Variants in TBC1D22A observed in about 807,000 individuals in gnomAD.
TBC1D22A encodes the protein putative GTPase activator.
In TBC1D22A, 38 loss-of-function variants were observed where a neutral mutation model predicts 60.2. The ratio of observed to expected loss-of-function variants is 0.63; its 90% CI spans 0.49 to 0.83. The LOEUF is 0.83. Among genes scored for constraint, TBC1D22A ranks in the 40% least tolerant of loss-of-function variants. The probability of loss-of-function intolerance (pLI) is 0.00; values close to 1 mark genes in which losing one functional copy is unlikely to be tolerated. For missense variants in TBC1D22A, 628 were observed against 701.0 expected (o/e 0.90, Z 1.18); for synonymous variants, 302 against 281.7 (o/e 1.07, Z -0.72).
intron 10 of TBC1D22A, among the ~76,000 whole-genome samples, chr22:47,005,967 TACAC>T (rs2061578534): frequency 6.6e-6 from 1 of 151,362 alleles, no homozygotes; most frequent in Non-Finnish European, 1.5e-5. Context: ...CACATGCCTA[TACAC>T]ACACCTACAC....
At chr22:47,114,416 A>G (rs1389854952) in intron 12 of TBC1D22A, among the ~76,000 whole-genome samples, 1 of 152,036 alleles carries the variant, frequency 6.6e-6, no homozygotes, top group Admixed American at 6.6e-5. Flanking sequence ...CTTTGATGCC[A>G]TAGGGGTTGG....
At chr22:46,912,326 C>G (rs9615420) in intron 8 of TBC1D22A, 138 bp downstream of exon 8, 2 of 587,876 alleles carry the variant, frequency 3.4e-6, no homozygotes, top group African/African-American at 3.8e-5. Context: ...TAATAGTTTT[C>G]TCATCAACAA....
intron 8 of TBC1D22A, among the ~76,000 whole-genome samples, chr22:46,945,316 CAG>C (rs1368225896): frequency 2.0e-5 from 3 of 152,208 alleles, no homozygotes; most frequent in African/African-American, 7.2e-5. Flanking sequence ...GCTGTAGAAA[CAG>C]AGGTGATGAA....
intron 1 of TBC1D22A, among the ~76,000 whole-genome samples, chr22:46,779,495 G>C (rs1413121263): frequency 6.6e-6 from 1 of 152,114 alleles, no homozygotes; most frequent in African/African-American, 2.4e-5. Flanking sequence ...CTGACCTCAG[G>C]TGATCTGCCC....
intron 11 of TBC1D22A, among the ~76,000 whole-genome samples, chr22:47,047,150 G>T (rs140568858): frequency 9.8e-5 from 15 of 152,288 alleles, no homozygotes; most frequent in African/African-American, 3.4e-4. Context: ...CGAGGGTGTG[G>T]CGGAGGAGGG....
intron 12 of TBC1D22A, among the ~76,000 whole-genome samples, chr22:47,157,267 G>A (rs142964879): frequency 5.6e-4 from 85 of 152,324 alleles, no homozygotes; most frequent in African/African-American, 1.9e-3. Flanking sequence ...AAACCACTCC[G>A]GGCATGTGAA....
intron 10 of TBC1D22A, among the ~76,000 whole-genome samples, chr22:47,031,001 T>G (rs2062454598): frequency 6.6e-6 from 1 of 152,160 alleles, no homozygotes; most frequent in Non-Finnish European, 1.5e-5. Context: ...CACTTCCGTG[T>G]GAAGAAGGAC....
chr22:46,999,104 G>GTT (rs1341356752), intron 10 of TBC1D22A, among the ~76,000 whole-genome samples: 5 of 152,248 alleles, frequency 3.3e-5, no homozygotes, highest in Non-Finnish European at 5.9e-5. Flanking sequence ...CGTATTTCGT[G>GTT]TTTTCGTGGA....
At chr22:46,885,416 G>A (rs892515942) in intron 5 of TBC1D22A, among the ~76,000 whole-genome samples, 3 of 152,208 alleles carry the variant, frequency 2.0e-5, no homozygotes, top group Non-Finnish European at 4.4e-5. Context: ...ACGGCCTTCT[G>A]TGATTAGTGG....
At chr22:47,065,999 G>A (rs916995206) in intron 11 of TBC1D22A, among the ~76,000 whole-genome samples, 1 of 152,278 alleles carries the variant, frequency 6.6e-6, no homozygotes, top group African/African-American at 2.4e-5. Context: ...TCTGAGTCAC[G>A]CCACCCTGTG....
intron 12 of TBC1D22A, among the ~76,000 whole-genome samples, chr22:47,163,524 A>T (rs1017757786): frequency 6.6e-6 from 1 of 152,180 alleles, no homozygotes; most frequent in African/African-American, 2.4e-5. Flanking sequence ...TTGAAAGGTG[A>T]CCTGGAGTTA....
rs374383562 is a variant in TBC1D22A, at chr22:46,767,262, C to T, written c.62+4414C>T. Among the ~76,000 whole-genome samples, 16 of 152,234 alleles carry T rather than the reference C, an allele frequency of 1.1e-4. No homozygotes were observed. The Middle Eastern group carries it at 0.014, about 129-fold the overall frequency. On this transcript the variant is annotated intron_variant, in intron 1 of 12. Coordinates refer to ENST00000337137, the MANE Select transcript of TBC1D22A (RefSeq NM_014346.5). Reference sequence around the variant, plus strand: ...GGTCCAGATTTTAACTTTCTTTTTCCGGTAGTGGTCTTCACCAAGTTACCT... The same window carrying T: ...GGTCCAGATTTTAACTTTCTTTTTCTGGTAGTGGTCTTCACCAAGTTACCT...
At chr22:47,172,660 T>A (rs377093506) in intron 12 of TBC1D22A, among the ~76,000 whole-genome samples, 2 of 152,206 alleles carry the variant, frequency 1.3e-5, no homozygotes, top group African/African-American at 2.4e-5. Flanking sequence ...AATTTTTAAA[T>A]CTCAGTCTAA....
chr22:47,148,944 G>A (rs577735919), intron 12 of TBC1D22A, among the ~76,000 whole-genome samples: 4 of 152,116 alleles, frequency 2.6e-5, no homozygotes, highest in South Asian at 4.1e-4. Context: ...AGGGGGCCAC[G>A]GCTTCCCATG....
intron 4 of TBC1D22A, among the ~76,000 whole-genome samples, chr22:46,865,182 T>C (rs536603106): frequency 1.3e-5 from 2 of 152,192 alleles, no homozygotes; most frequent in Non-Finnish European, 2.9e-5. Flanking sequence ...AGGCCCTGCC[T>C]TCCTCTCCAG....
chr22:46,769,937 G>T (rs2083430404), intron 1 of TBC1D22A, among the ~76,000 whole-genome samples: 1 of 152,076 alleles, frequency 6.6e-6, no homozygotes, highest in South Asian at 2.1e-4. Context: ...GATCTCCAGG[G>T]TGCTGGCCTG....
chr22:47,146,427 A>T (rs750750371), intron 12 of TBC1D22A, among the ~76,000 whole-genome samples: 3 of 152,218 alleles, frequency 2.0e-5, no homozygotes, highest in Non-Finnish European at 2.9e-5. Context: ...TTAGAAAAAA[A>T]TCTATAAGCT....
rs908912729 is a variant in TBC1D22A at position 47,175,332 on chromosome 22, C to G, written c.*1706C>G. ...GCCATGCCTCCTCCTCCTGCCGCCT[C>G]CTTTTCTAGATGGGGAGGGGATTCC... On this transcript the variant is annotated 3_prime_UTR_variant, in exon 13 of 13. Transcript: ENST00000337137. The G allele has an allele frequency of 1.3e-5, 2 of 152,650 alleles. No individual in the cohort carries two copies. Among genetic ancestry groups the G allele is most frequent in the East Asian group, 3.9e-4 (2 of 5,188 alleles). 9.5% of individuals were successfully genotyped at this position (152,650 alleles called of 1,614,324 possible).
intron 3 of TBC1D22A, 91 bp downstream of exon 3, chr22:46,793,932 T>C (rs1209168967): frequency 5.6e-6 from 7 of 1,248,384 alleles, no homozygotes; most frequent in Non-Finnish European, 7.7e-6. Context: ...ATCAGTGGGT[T>C]CCCATCCTCA....
Sources: gnomAD v4.1 joint callset for allele counts (sites outside exome capture counted in the v4.1 genomes callset) on GRCh38, gnomAD v4.1.1 for gene constraint, MANE v1.5 for transcripts, NCBI Gene and HGNC (gene_info 2026-07-23, HGNC 2026-07-21) for gene names.